Variants in KCTD19 observed in about 807,000 individuals in gnomAD.
KCTD19 encodes BTB/POZ domain-containing protein KCTD19.
In KCTD19, 67 loss-of-function variants were observed where a neutral mutation model predicts 103.5. The ratio of observed to expected loss-of-function variants is 0.65; its 90% confidence interval spans 0.53 to 0.79. The LOEUF (loss-of-function observed/expected upper bound fraction) is 0.79. Ranked by LOEUF, KCTD19 falls within the 30% of genes least tolerant of loss-of-function variation. KCTD19 has a pLI of 0.00. For missense variants in KCTD19, 980 were observed against 1,136.1 expected, an observed-to-expected ratio of 0.86 and a Z score of 1.98; for synonymous variants, 439 against 452.2, an observed-to-expected ratio of 0.97 and a Z score of 0.37.
chr16:67,291,280 C>T (rs1182983056), intron 14 of KCTD19, 29 bp downstream of exon 14: 4 of 1,604,002 alleles, frequency 2.5e-6, no homozygotes, highest in Admixed American at 1.7e-5. Context: ...GTACAGGGTG[C>T]CCCAGGGCCT....
intron 9 of KCTD19, 94 bp from the exon 10 acceptor site, chr16:67,295,150 A>G: frequency 6.4e-7 from 1 of 1,564,132 alleles, no homozygotes; most frequent in Non-Finnish European, 8.8e-7. Flanking sequence ...AACAGTTCCC[A>G]CGATGGAAAT....
At position 67,303,069 on chromosome 16, in the gene KCTD19, C is replaced by A; in HGVS notation, c.643+77G>T. ...AGGCCCTGAGCACCAAGCTGGGCCT[C>A]TGTGGGACATGTGATGGGGAGGGGT... On this transcript the variant is annotated intron_variant, in intron 4 of 15. Coordinates refer to ENST00000304372, the MANE Select transcript of KCTD19 (RefSeq NM_001100915.3). This position sits in a 1 kb window ranked among gnomAD's most constrained non-coding sequence, Gnocchi z 4.3. 1 of 1,476,098 alleles carries A rather than the reference C, an allele frequency of 6.8e-7. No individual in the cohort carries two copies. Among genetic ancestry groups the A allele is most frequent in the South Asian group, 1.2e-5 (1 of 86,260 alleles). 91.4% of individuals were successfully genotyped at this position (1,476,098 alleles called of 1,614,324 possible).
chr16:67,310,150 T>C (rs893592076), intron 2 of KCTD19, among the ~76,000 whole-genome samples: 2 of 152,202 alleles, frequency 1.3e-5, no homozygotes, highest in Non-Finnish European at 2.9e-5. Context: ...ATTCGGGTGC[T>C]ATAAGAAATC....
At chr16:67,312,971 T>C (rs2036964221) in intron 2 of KCTD19, among the ~76,000 whole-genome samples, 1 of 152,172 alleles carries the variant, frequency 6.6e-6, no homozygotes, top group Non-Finnish European at 1.5e-5. Context: ...TATTTTAGGC[T>C]TTGCTTTGCT....
Position 67,295,102 on chromosome 16 carries a change from T to C in KCTD19, c.1392-46A>G, listed in dbSNP as rs1449426027. 1.9e-6 allele frequency: 3 copies of C among 1,583,592 alleles called. No individual in the cohort carries two copies. The African/African-American group carries it at 4.0e-5, about 21-fold the overall frequency. ...TCCAGCTGGGCAGCTAGGATGAGGGTGTGGGAGGGAGCATGAGCTCCTGGA... is the reference window on the plus strand; with the variant it reads ...TCCAGCTGGGCAGCTAGGATGAGGGCGTGGGAGGGAGCATGAGCTCCTGGA... On this transcript the variant is annotated intron_variant, in intron 9 of 15. Transcript: ENST00000304372.
chr16:67,295,948 T>G (rs1471408206), intron 8 of KCTD19: 6 of 522,494 alleles, frequency 1.1e-5, no homozygotes, highest in Admixed American at 3.1e-5. Context: ...TTTCACCATG[T>G]TGGTCAGGCT....
In KCTD19 at chr16:67,303,110, G is replaced by GGGGGGGC; in HGVS notation, c.643+35_643+36insGCCCCCC. 6 of 947,046 alleles carry GGGGGGGC rather than the reference G, an allele frequency of 6.3e-6. No individual in the cohort carries two copies. The highest frequency in any genetic ancestry group is 6.4e-6 in the Non-Finnish European group (4 of 621,076). The allele number at this position is 947,046 out of a possible 1,614,324, so 58.7% of individuals were successfully genotyped here. A position where few individuals can be genotyped will look rare whatever the true frequency, so the allele number is the denominator to read the frequency against. On this transcript the variant is annotated intron_variant, in intron 4 of 15. Transcript: ENST00000304372. This position sits in a 1 kb window ranked among gnomAD's most constrained non-coding sequence, Gnocchi z 4.3. ...GGGGAGGGGTGAATGGGCCCTATCAGCCCGCCCCCCACCCCACCCCGGACA... is the reference window on the plus strand; with the variant it reads ...GGGGAGGGGTGAATGGGCCCTATCAGGGGGGGCCCCGCCCCCCACCCCACCCCGGACA...
At chr16:67,294,462 T>TA in intron 11 of KCTD19, 118 bp downstream of exon 11, 1 of 744,996 alleles carries the variant, frequency 1.3e-6, no homozygotes, top group South Asian at 1.7e-5. Context: ...GGAACCCATG[T>TA]AGGCTCTGCT....
intron 1 of KCTD19, 181 bp downstream of exon 1, chr16:67,326,524 G>T (rs779646938): frequency 1.3e-6 from 1 of 744,870 alleles, no homozygotes; most frequent in Non-Finnish European, 2.1e-6. Flanking sequence ...CATCCCTCAA[G>T]ACAGAGCGTT....
rs778682724 is a variant in KCTD19 at position 67,303,177 on chromosome 16, G to A, written c.612C>T (p.Ile204=). 16 of 1,610,576 alleles carry A rather than the reference G, an allele frequency of 9.9e-6. No homozygotes were observed. Among genetic ancestry groups the A allele is most frequent in the East Asian group, 4.5e-5 (2 of 44,762 alleles). ...LLWLAETVAL[I]ECECSEFRFI... ...AGCGGAACTCGCTGCACTCGCACTC[G>A]ATGAGGGCCACCGTCTCAGCCAGCC... Residue 204 remains isoleucine, a synonymous_variant, in exon 4 of 16, where the codon ATC becomes ATT. Coordinates refer to ENST00000304372, the MANE Select transcript of KCTD19 (RefSeq NM_001100915.3). This position sits in a 1 kb window ranked among gnomAD's most constrained non-coding sequence, Gnocchi z 4.3.
chr16:67,291,032 C>T (rs1444031310), intron 14 of KCTD19, 46 bp from the exon 15 acceptor site: 1 of 1,591,330 alleles, frequency 6.3e-7, no homozygotes, highest in African/African-American at 1.3e-5. Context: ...CAGCTCCTAG[C>T]CCCTCAGAGT....
intron 5 of KCTD19, 46 bp from the exon 6 acceptor site, chr16:67,299,619 A>G (rs2036811696): frequency 6.4e-7 from 1 of 1,551,438 alleles, no homozygotes; most frequent in Non-Finnish European, 8.8e-7. Context: ...CCATGGTCAT[A>G]GCTGGATTGG....
chr16:67,312,779 A>G (rs2036962305), intron 2 of KCTD19, among the ~76,000 whole-genome samples: 2 of 152,206 alleles, frequency 1.3e-5, no homozygotes, highest in Non-Finnish European at 2.9e-5. Flanking sequence ...TTCTACCAGC[A>G]AGACATATTC....
Position 67,297,605 on chromosome 16 carries a change from G to C in KCTD19, c.1045C>G (p.Leu349Val). 6.2e-7 allele frequency: 1 copy of C among 1,614,112 alleles called. No homozygotes were observed. The highest frequency in any genetic ancestry group is 8.5e-7 in the Non-Finnish European group (1 of 1,180,008). The change falls in exon 7 of 16, where the codon CTC (leucine) becomes GTC (valine). Residue 349 changes from leucine (L) to valine (V), a missense_variant. Coordinates refer to ENST00000304372, the MANE Select transcript of KCTD19 (RefSeq NM_001100915.3). Reference protein sequence around the residue: ...LTETISEVYELCAFLDKRDIT... With the variant: ...LTETISEVYEVCAFLDKRDIT... ...TCCCTTTTGTCTAGGAAGGCACAGA[G>C]CTCATATACCTCGGAAATGGTCTCT...
Position 67,320,408 on chromosome 16 carries a change from C to CT in KCTD19, c.300+180dup, listed in dbSNP as rs1202617346. Among the ~76,000 whole-genome samples, 2 of 151,932 alleles carry CT rather than the reference C, an allele frequency of 1.3e-5. No homozygotes were observed. The highest frequency in any genetic ancestry group is 2.1e-4 in the South Asian group (1 of 4,816). ...GGTAATTTCAGTGTATTGTTTATTA[C>CT]TTTTTTTTCCTTTTTACTCACCCCT... On this transcript the variant is annotated intron_variant, in intron 2 of 15. Coordinates refer to ENST00000304372, the MANE Select transcript of KCTD19 (RefSeq NM_001100915.3). The surrounding 1 kb of genome is among the most constrained non-coding windows in gnomAD (Gnocchi z 4.0).
In KCTD19 at chr16:67,294,996, G is replaced by A; in HGVS notation, c.1452C>T (p.Ala484=). 6.2e-7 allele frequency: 1 copy of A among 1,613,748 alleles called. No individual in the cohort carries two copies. The highest frequency in any genetic ancestry group is 8.5e-7 in the Non-Finnish European group (1 of 1,179,656). ...ACTTGTATGCTTCACATTGTGCAAGGGCTTCTGAGAGGGATGGAATGTGGT... is the reference window on the plus strand; with the variant it reads ...ACTTGTATGCTTCACATTGTGCAAGAGCTTCTGAGAGGGATGGAATGTGGT... ...EEYHIPSLSE[A]LAQCEAYKSW... is the part of the protein sequence containing the mutation. The change falls in exon 10 of 16, where the codon GCC becomes GCT. Residue 484 remains alanine, a synonymous_variant. Coordinates refer to ENST00000304372, the MANE Select transcript of KCTD19 (RefSeq NM_001100915.3).
chr16:67,294,952 G>A (rs780787043), intron 10 of KCTD19, 21 bp downstream of exon 10: 4 of 1,569,314 alleles, frequency 2.5e-6, no homozygotes, highest in Admixed American at 1.7e-5. Flanking sequence ...TAAACATAGA[G>A]TCGTGATAAA....
In KCTD19 at chr16:67,312,557, C is replaced by T. The variant is rs565511198; in HGVS notation, c.301-7986G>A. The stretch of plus-strand genomic sequence containing the variant: ...CCATGAATTCCAGACCTGTACATCC[C>T]GCGCCTCCTGTTTACCTTCACTTGG... On this transcript the variant is annotated intron_variant, in intron 2 of 15. Coordinates refer to ENST00000304372, the MANE Select transcript of KCTD19 (RefSeq NM_001100915.3). Among the ~76,000 whole-genome samples, 19 of 152,262 alleles carry T rather than the reference C, an allele frequency of 1.2e-4. No individual in the cohort carries two copies. In the South Asian group the frequency reaches 3.3e-3, roughly 27 times the overall value.
intron 9 of KCTD19, 94 bp downstream of exon 9, chr16:67,295,169 C>T (rs2036750368): frequency 2.5e-6 from 4 of 1,572,628 alleles, no homozygotes; most frequent in South Asian, 2.3e-5. Context: ...ATAAAATAAC[C>T]TCCTCCCTGA....
Sources: allele counts gnomAD v4.1 joint callset (sites outside exome capture counted in the v4.1 genomes callset), GRCh38; gene constraint gnomAD v4.1.1; non-coding constraint Gnocchi (gnomAD v3.1); transcripts MANE v1.5; gene names NCBI Gene and HGNC (gene_info 2026-07-23, HGNC 2026-07-21).